The following NRF1 variants were observed in gnomAD, a reference collection of about 807,000 sequenced individuals.
NRF1 encodes the protein alpha palindromic-binding protein.
In NRF1, 5 loss-of-function variants were observed where a neutral mutation model predicts 58.5. That is an observed-to-expected ratio of 0.09 (90% CI 0.04 to 0.18). The LOEUF is 0.18. Ranked by LOEUF, NRF1 falls within the 10% of genes least tolerant of loss-of-function variation. NRF1 has a pLI of 1.00. For synonymous variants in NRF1, 224 were observed against 246.7 expected, an observed-to-expected ratio of 0.91 and a Z score of 0.86; for missense variants, 288 against 657.7, an observed-to-expected ratio of 0.44 and a Z score of 6.15.
intron 2 of NRF1, among the ~76,000 whole-genome samples, chr7:129,664,333 G>GTATTAGATAT (rs1801872937): frequency 6.6e-6 from 1 of 152,180 alleles, no homozygotes; most frequent in Non-Finnish European, 1.5e-5. Context: ...AATGGGTATG[G>GTATTAGATAT]TATTAGATAT....
chr7:129,666,031 A>G (rs894379116), intron 2 of NRF1, among the ~76,000 whole-genome samples: 1 of 152,266 alleles, frequency 6.6e-6, no homozygotes, highest in Non-Finnish European at 1.5e-5. Flanking sequence ...CGTAATTAAT[A>G]TCTTGAGAGT....
chr7:129,669,340 A>G (rs1238797212), intron 2 of NRF1, among the ~76,000 whole-genome samples: 4 of 152,218 alleles, frequency 2.6e-5, no homozygotes, highest in Non-Finnish European at 4.4e-5. Flanking sequence ...TTACCTCAAA[A>G]GAAAAAAATT....
At chr7:129,754,810 CT>C (rs773484447) in intron 10 of NRF1, among the ~76,000 whole-genome samples, 12 of 152,176 alleles carry the variant, frequency 7.9e-5, no homozygotes, top group Admixed American at 3.3e-4. Flanking sequence ...TGAACAGTTA[CT>C]ATATATCAAT....
chr7:129,710,519 A>G lies in NRF1; in HGVS notation c.911A>G (p.Gln304Arg). The change falls in exon 7 of 11, where the codon CAG becomes CGG. Residue 304 changes from glutamine to arginine, a missense_variant. Around this residue, in one of 3 missense-constraint regions of NRF1, gnomAD observed 212 missense variants for 559.7 expected, o/e 0.38. Transcript: ENST00000393232. ...THSIAHLVPS[Q>R]TVVQTFSNPD... is the part of the protein sequence containing the mutation. ...AGTATAGCTCATCTTGTACCATCAC[A>G]GACTGTAGTCCAGACTTTTAGTAAC... 1 of 1,606,520 alleles carries G rather than the reference A, an allele frequency of 6.2e-7. No homozygotes were observed. Among genetic ancestry groups the G allele is most frequent in the Non-Finnish European group, 8.5e-7 (1 of 1,173,074 alleles).
At chr7:129,752,630 T>C (rs1804146670) in intron 10 of NRF1, among the ~76,000 whole-genome samples, 1 of 152,040 alleles carries the variant, frequency 6.6e-6, no homozygotes, top group South Asian at 2.1e-4. Flanking sequence ...GGCAGGAGGA[T>C]CACTTGAGCT....
At chr7:129,701,365 A>G (rs997203354) in intron 5 of NRF1, among the ~76,000 whole-genome samples, 1 of 152,108 alleles carries the variant, frequency 6.6e-6, no homozygotes, top group Non-Finnish European at 1.5e-5. Context: ...TGGGAGGCTG[A>G]GGTGGGTGGA....
chr7:129,743,420 G>A (rs1396952246), intron 10 of NRF1, among the ~76,000 whole-genome samples: 2 of 152,176 alleles, frequency 1.3e-5, no homozygotes, highest in Admixed American at 6.5e-5. Flanking sequence ...GGTGTGGAAC[G>A]CTGGGCTGCC....
chr7:129,634,945 C>A (rs1801135333), intron 1 of NRF1, among the ~76,000 whole-genome samples: 1 of 152,100 alleles, frequency 6.6e-6, no homozygotes, highest in Non-Finnish European at 1.5e-5. Context: ...TTCGCTTGTT[C>A]TTGTTTGCTT....
At chr7:129,692,248 G>A (rs78794135) in intron 5 of NRF1, among the ~76,000 whole-genome samples, 13 of 152,200 alleles carry the variant, frequency 8.5e-5, no homozygotes, top group Non-Finnish European at 1.3e-4. Context: ...CATTCTCCAT[G>A]TAGCCATCAT....
intron 5 of NRF1, among the ~76,000 whole-genome samples, chr7:129,706,174 C>T (rs1044452883): frequency 1.3e-5 from 2 of 152,144 alleles, no homozygotes; most frequent in African/African-American, 4.8e-5. Flanking sequence ...TTAATGGGAA[C>T]TGACTGTAGT....
At chr7:129,693,023 G>T (rs1419581258) in intron 5 of NRF1, among the ~76,000 whole-genome samples, 1 of 152,054 alleles carries the variant, frequency 6.6e-6, no homozygotes, top group African/African-American at 2.4e-5. Flanking sequence ...TTATTAACTT[G>T]TATACTTATT....
At chr7:129,643,120 C>T (rs1021511173) in intron 1 of NRF1, among the ~76,000 whole-genome samples, 3 of 152,140 alleles carry the variant, frequency 2.0e-5, no homozygotes, top group African/African-American at 7.2e-5. Context: ...GATTGAATAG[C>T]AGAGATTCCT....
At chr7:129,696,429 A>G (rs574125626) in intron 5 of NRF1, among the ~76,000 whole-genome samples, 1 of 152,158 alleles carries the variant, frequency 6.6e-6, no homozygotes, top group South Asian at 2.1e-4. Context: ...GGGGCATCTC[A>G]TTTAATCCAC....
intron 1 of NRF1, among the ~76,000 whole-genome samples, chr7:129,619,422 A>ATAT (rs1800727780): frequency 1.0e-5 from 1 of 97,862 alleles, no homozygotes; most frequent in African/African-American, 5.8e-5. Context: ...ATATATATAT[A>ATAT]TATATATATA....
At position 129,755,064 on chromosome 7, in the gene NRF1, C is replaced by A; in HGVS notation, c.1395C>A (p.Ser465Arg). The change falls in exon 11 of 11, where the codon AGC (serine) becomes AGA (arginine). Residue 465 changes from serine (S) to arginine (R), a missense_variant. By Grantham distance (110) the Ser-to-Arg change is moderately radical. This residue lies in a region of NRF1 where 212 missense variants were observed against 559.7 expected (regional missense o/e 0.38). Transcript: ENST00000393232. This position sits in a 1 kb window ranked among gnomAD's most constrained non-coding sequence, Gnocchi z 5.8. ...PVSMYQTVVT[S>R]LAQGNGPVQV... ...GCATGTACCAGACTGTGGTGACCAG[C>A]CTCGCCCAGGGCAACGGACCAGTGC... is the stretch of plus-strand genomic sequence containing the variant. 1 of 1,613,736 alleles carries A rather than the reference C, an allele frequency of 6.2e-7. No individual in the cohort carries two copies. Among genetic ancestry groups the A allele is most frequent in the Non-Finnish European group, 8.5e-7 (1 of 1,179,904 alleles).
chr7:129,687,158 T>C (rs867311329), intron 4 of NRF1, among the ~76,000 whole-genome samples: 2 of 152,244 alleles, frequency 1.3e-5, no homozygotes, highest in Non-Finnish European at 2.9e-5. Flanking sequence ...TCTGTGTTTT[T>C]TCATGTAATA....
At chr7:129,637,225 G>A (rs185701575) in intron 1 of NRF1, among the ~76,000 whole-genome samples, 150 of 150,604 alleles carry the variant, frequency 1.0e-3, no homozygotes, top group African/African-American at 3.4e-3. Flanking sequence ...TTCTGTACAG[G>A]ATTCTGCTTA....
intron 2 of NRF1, among the ~76,000 whole-genome samples, chr7:129,660,760 C>T (rs1454200364): frequency 6.6e-6 from 1 of 150,666 alleles, no homozygotes; most frequent in African/African-American, 2.5e-5. Context: ...GTGGCTTTTC[C>T]AGGCAAAAGA....
chr7:129,619,396 GTATATATATATATA>G (rs749333673), intron 1 of NRF1, among the ~76,000 whole-genome samples: 38 of 47,366 alleles, frequency 8.0e-4, no homozygotes, highest in African/African-American at 2.7e-3. Flanking sequence ...TGGCATACGT[GTATATATATATATA>G]TATATATATA....
Sources: allele counts gnomAD v4.1 joint callset (sites outside exome capture counted in the v4.1 genomes callset), GRCh38; gene constraint gnomAD v4.1.1; regional missense constraint gnomAD v4.1.1; non-coding constraint Gnocchi (gnomAD v3.1); transcripts MANE v1.5; gene names NCBI Gene and HGNC (gene_info 2026-07-23, HGNC 2026-07-21).